The following RNF213 variants were observed in gnomAD, a reference collection of about 807,000 sequenced individuals.
RNF213 encodes the protein E3 ubiquitin-protein ligase RNF213.
A neutral mutation model predicts 514.4 loss-of-function variants in RNF213; 341 were observed. The observed-to-expected ratio is 0.66, with a 90% confidence interval of 0.61 to 0.73. The LOEUF is 0.73. Ranked by LOEUF, RNF213 falls within the 30% of genes least tolerant of loss-of-function variation. The pLI, the probability that RNF213 is intolerant of heterozygous loss-of-function variation, is 0.00. For missense variants in RNF213, 5,767 were observed against 6,615.6 expected (o/e 0.87, Z 4.45); for synonymous variants, 2,655 against 2,658.2 (o/e 1.00, Z 0.04).
At chr17:80,352,899 A>G in intron 32 of RNF213, 41 bp from the exon 33 acceptor site, 1 of 1,613,666 alleles carries the variant, frequency 6.2e-7, no homozygotes, top group Non-Finnish European at 8.5e-7. Flanking sequence ...AGCAGCCGGG[A>G]AAGACACAAA....
At position 80,389,742 on chromosome 17, in the gene RNF213, T is replaced by A. The variant is rs1026061467; in HGVS notation, c.15196-86T>A. ...CAGAACGAAGAGAAGAATGCCTGTG[T>A]GGAGAGCACTCAGGCTCCCTGGTGC... On this transcript the variant is annotated intron_variant, in intron 65 of 67. Transcript: ENST00000582970. 10 of 1,091,676 alleles carry A rather than the reference T, an allele frequency of 9.2e-6. No homozygotes were observed. In the Admixed American group the frequency reaches 1.7e-4, roughly 18 times the overall value. The allele number at this position is 1,091,676 out of a possible 1,614,324, so 67.6% of individuals were successfully genotyped here.
intron 51 of RNF213, 112 bp from the exon 52 acceptor site, chr17:80,376,189 T>C: frequency 7.6e-7 from 1 of 1,312,896 alleles, no homozygotes; most frequent in Non-Finnish European, 1.1e-6. Context: ...ATGGTGGTGA[T>C]TTCTCCATAT....
chr17:80,297,360 G>A (rs561531462), intron 10 of RNF213, among the ~76,000 whole-genome samples: 1 of 151,590 alleles, frequency 6.6e-6, no homozygotes, highest in South Asian at 2.1e-4. Flanking sequence ...TGAGGCAGGA[G>A]AATCACGTGA....
chr17:80,360,646 G>A (rs2079021347), intron 38 of RNF213, among the ~76,000 whole-genome samples: 1 of 152,146 alleles, frequency 6.6e-6, no homozygotes. Flanking sequence ...ACTCCCAGGT[G>A]CCCCATCAGG....
chr17:80,311,088 CTTAGGATTTATTTTCTACAGAAATAA>C (rs374314123), intron 14 of RNF213, among the ~76,000 whole-genome samples: 7 of 152,264 alleles, frequency 4.6e-5, no homozygotes, highest in African/African-American at 1.4e-4. Flanking sequence ...TTGTCAGTTA[CTTAGGATTTATTTTCTACAGAAATAA>C]CTATCTTAAA....
At chr17:80,326,781 C>T (rs561009106) in intron 18 of RNF213, among the ~76,000 whole-genome samples, 1 of 152,340 alleles carries the variant, frequency 6.6e-6, no homozygotes, top group African/African-American at 2.4e-5. Flanking sequence ...GGATGTGCTA[C>T]CATTCGCTTA....
intron 14 of RNF213, among the ~76,000 whole-genome samples, chr17:80,311,016 T>C (rs1568046822): frequency 6.6e-6 from 1 of 152,154 alleles, no homozygotes; most frequent in Admixed American, 6.5e-5. Flanking sequence ...TTCTCTGGAG[T>C]GGCTGCTATT....
chr17:80,262,468 A>G (rs1436339950), intron 1 of RNF213, among the ~76,000 whole-genome samples: 1 of 151,828 alleles, frequency 6.6e-6, no homozygotes, highest in Non-Finnish European at 1.5e-5. Flanking sequence ...CACTCAGGTG[A>G]TCTCAGAGCT....
At position 80,386,909 on chromosome 17, in the gene RNF213, C is replaced by T. The variant is rs1278396055; in HGVS notation, c.14922+18C>T. 6.3e-7 allele frequency: 1 copy of T among 1,599,298 alleles called. No homozygotes were observed. Among genetic ancestry groups the T allele is most frequent in the South Asian group, 1.1e-5 (1 of 89,512 alleles). On this transcript the variant is annotated intron_variant, in intron 63 of 67. Transcript: ENST00000582970. ...GCCTCAAGGTAGGGCTGACTCCTGCCACTGCTGCTCATTTGGTGTGTCTGT... is the reference window on the plus strand; with the variant it reads ...GCCTCAAGGTAGGGCTGACTCCTGCTACTGCTGCTCATTTGGTGTGTCTGT...
intron 59 of RNF213, among the ~76,000 whole-genome samples, chr17:80,384,501 T>C (rs967530013): frequency 6.6e-6 from 1 of 152,216 alleles, no homozygotes. Flanking sequence ...TGGACTATTA[T>C]TTGCTGTCTA....
chr17:80,278,171 G>A (rs2044137298), intron 3 of RNF213, among the ~76,000 whole-genome samples: 1 of 152,238 alleles, frequency 6.6e-6, no homozygotes, highest in Non-Finnish European at 1.5e-5. Context: ...GGCAGGCCAG[G>A]AGGCTGCTGG....
rs1291174013 is a variant in RNF213 at position 80,393,686 on chromosome 17, C to G, written c.*188C>G. ...TTTTGAAAGCCGAGCTGTTTCTGAA[C>G]CATGTACATACATGTTCTGAAACTT... On this transcript the variant is annotated 3_prime_UTR_variant, in exon 68 of 68. Coordinates refer to ENST00000582970, the MANE Select transcript of RNF213 (RefSeq NM_001256071.3). The G allele has an allele frequency of 1.7e-6, 1 of 596,762 alleles. No individual in the cohort carries two copies. Among genetic ancestry groups the G allele is most frequent in the Non-Finnish European group, 3.0e-6 (1 of 335,716 alleles). 37.0% of individuals were successfully genotyped at this position (596,762 alleles called of 1,614,324 possible). A position where few individuals can be genotyped will look rare whatever the true frequency, so the allele number is the denominator to read the frequency against.
Position 80,377,671 on chromosome 17 carries a change from G to A in RNF213, c.13511-91G>A. ...GACAGTCATTCTCATATTGTGGTCA[G>A]GGCCAGAGAGTAGAGAGTTAGCTTT... On this transcript the variant is annotated intron_variant, in intron 53 of 67. Coordinates refer to ENST00000582970, the MANE Select transcript of RNF213 (RefSeq NM_001256071.3). This position sits in a 1 kb window ranked among gnomAD's most constrained non-coding sequence, Gnocchi z 4.1. 7.0e-7 allele frequency: 1 copy of A among 1,421,810 alleles called. No homozygotes were observed. Among genetic ancestry groups the A allele is most frequent in the Non-Finnish European group, 1.0e-6 (1 of 1,004,616 alleles). 88.1% of individuals were successfully genotyped at this position (1,421,810 alleles called of 1,614,324 possible).
At chr17:80,388,790 G>C in intron 64 of RNF213, 101 bp downstream of exon 64, 1 of 943,098 alleles carries the variant, frequency 1.1e-6, no homozygotes. Context: ...GGTGTTTGCT[G>C]TGAGCCCACA....
chr17:80,345,027 C>T lies in RNF213; in HGVS notation c.6692C>T (p.Ala2231Val). The T allele has an allele frequency of 6.2e-7, 1 of 1,614,128 alleles. No individual in the cohort carries two copies. The highest frequency in any genetic ancestry group is 8.5e-7 in the Non-Finnish European group (1 of 1,180,022). Residue 2231 changes from alanine (A) to valine (V), a missense_variant, in exon 29 of 68, where the codon GCC (alanine) becomes GTC (valine). Ala to Val is a moderately conservative substitution (Grantham distance 64). This residue lies in a region of RNF213 where 1,377 missense variants were observed against 1,635.2 expected (regional missense o/e 0.84). Coordinates refer to ENST00000582970, the MANE Select transcript of RNF213 (RefSeq NM_001256071.3). The surrounding 1 kb of genome is among the most constrained non-coding windows in gnomAD (Gnocchi z 6.0). ...FLNYQLRDCE[A>V]SLFCNPSFIG... ...AATTATCAGCTCAGAGATTGTGAGG[C>T]CTCTCTCTTCTGCAATCCGAGTTTT...
intron 25 of RNF213, 113 bp downstream of exon 25, chr17:80,338,110 G>T: frequency 7.6e-7 from 1 of 1,311,330 alleles, no homozygotes; most frequent in Non-Finnish European, 1.1e-6. Flanking sequence ...CTGATAAGAA[G>T]GGCTCTGCTC....
chr17:80,370,034 A>G (rs997388959), intron 46 of RNF213, among the ~76,000 whole-genome samples, 167 bp downstream of exon 46: 2 of 152,124 alleles, frequency 1.3e-5, no homozygotes, highest in African/African-American at 2.4e-5. Context: ...GTATTCTGAC[A>G]TTTTCACATA....
In RNF213 at chr17:80,263,864, G is replaced by A; in HGVS notation, c.97+86G>A. ...TCCCTTCCAGGAAATGGAAACCCTG[G>A]GCAGCAGGCAGCTCAGGTGGGGCCG... On this transcript the variant is annotated intron_variant, in intron 2 of 67. Transcript: ENST00000582970. The surrounding 1 kb of genome is among the most constrained non-coding windows in gnomAD (Gnocchi z 4.9). The A allele has an allele frequency of 8.9e-7, 1 of 1,126,254 alleles. No individual in the cohort carries two copies. The highest frequency in any genetic ancestry group is 1.3e-6 in the Non-Finnish European group (1 of 746,096). 69.8% of individuals were successfully genotyped at this position (1,126,254 alleles called of 1,614,324 possible). A position where few individuals can be genotyped will look rare whatever the true frequency, so the allele number is the denominator to read the frequency against.
Position 80,263,640 on chromosome 17 carries a change from T to C in RNF213, c.-42T>C. On this transcript the variant is annotated 5_prime_UTR_variant, in exon 2 of 68. Transcript: ENST00000582970. This position sits in a 1 kb window ranked among gnomAD's most constrained non-coding sequence, Gnocchi z 4.9. ...TATATAGCAGGCTGCCAGCGACTCC[T>C]GCTCTTGCTTCTGGATCTGCAGGGC... 1.3e-6 allele frequency: 2 copies of C among 1,552,848 alleles called. No individual in the cohort carries two copies. Among genetic ancestry groups the C allele is most frequent in the South Asian group, 1.1e-5 (1 of 89,882 alleles).
Sources: gnomAD v4.1 joint callset for allele counts (sites outside exome capture counted in the v4.1 genomes callset) on GRCh38, gnomAD v4.1.1 for gene constraint, gnomAD v4.1.1 regional missense constraint, Gnocchi (gnomAD v3.1) non-coding constraint, MANE v1.5 for transcripts, NCBI Gene and HGNC (gene_info 2026-07-23, HGNC 2026-07-21) for gene names.